Variants in AOAH observed in about 807,000 individuals in gnomAD.
AOAH encodes the protein acyloxyacyl hydrolase (neutrophil).
Under a neutral mutation model 92.2 loss-of-function variants are expected in AOAH, and 64 were observed. The observed-to-expected ratio is 0.69, with a 90% CI of 0.57 to 0.86. AOAH has a LOEUF of 0.86. Among genes scored for constraint, AOAH ranks in the 40% least tolerant of loss-of-function variants. AOAH has a pLI of 0.00. For missense variants in AOAH, 656 were observed against 694.6 expected, an observed-to-expected ratio of 0.94 and a Z score of 0.62; for synonymous variants, 263 against 254.5, an observed-to-expected ratio of 1.03 and a Z score of -0.32.
At chr7:36,722,023 T>C (rs1799659498) in intron 1 of AOAH, among the ~76,000 whole-genome samples, 1 of 152,106 alleles carries the variant, frequency 6.6e-6, no homozygotes, top group African/African-American at 2.4e-5. Flanking sequence ...GAGCCAACCC[T>C]CTAGCCATTC....
intron 11 of AOAH, among the ~76,000 whole-genome samples, chr7:36,610,159 C>CAAAAAAAAAAA (rs71553082): frequency 1.7e-3 from 82 of 49,216 alleles, no homozygotes; most frequent in African/African-American, 2.2e-3. Context: ...TCCATAATAG[C>CAAAAAAAAAAA]AAAAAAAAAA....
In AOAH at chr7:36,621,218, GCGAGGGCTAGCA is replaced by G. The variant is rs570956026; in HGVS notation, c.654-401_654-390del. Reference sequence around the variant, plus strand: ...CTTTGACACTATAGTCACAACAAAGGCGAGGGCTAGCATATCTGTTTTTTGATACCAGAGATG... The same window carrying G: ...CTTTGACACTATAGTCACAACAAAGGTATCTGTTTTTTGATACCAGAGATG... On this transcript the variant is annotated intron_variant, in intron 8 of 20. Transcript: ENST00000617537. Among the ~76,000 whole-genome samples, 6 of 152,260 alleles carry G rather than the reference GCGAGGGCTAGCA, an allele frequency of 3.9e-5. No homozygotes were observed. The East Asian group carries it at 1.2e-3, about 29-fold the overall frequency.
At chr7:36,632,462 C>CATCT (rs1793190097) in intron 5 of AOAH, among the ~76,000 whole-genome samples, 1 of 152,118 alleles carries the variant, frequency 6.6e-6, no homozygotes, top group Non-Finnish European at 1.5e-5. Context: ...AAAATAATTC[C>CATCT]ATCTCATTAT....
chr7:36,570,890 A>T (rs931160435), intron 13 of AOAH, among the ~76,000 whole-genome samples: 5 of 152,166 alleles, frequency 3.3e-5, no homozygotes, highest in African/African-American at 1.2e-4. Flanking sequence ...AGTGTTTTAG[A>T]TGTACAAGTC....
intron 11 of AOAH, among the ~76,000 whole-genome samples, chr7:36,602,649 C>T (rs1790698278): frequency 6.6e-6 from 1 of 151,952 alleles, no homozygotes; most frequent in East Asian, 1.9e-4. Flanking sequence ...GGTACACGTC[C>T]TCAAAGCTGA....
rs987498987 is a variant in AOAH at position 36,671,620 on chromosome 7, C to T, written c.290+2323G>A. ...ATGCGTGTGTGTGTATGTGTGTGTG[C>T]GTGTGTGCATCTGTGTGTGTGCACG... On this transcript the variant is annotated intron_variant, in intron 3 of 20. Coordinates refer to ENST00000617537, the MANE Select transcript of AOAH (RefSeq NM_001637.4). Among the ~76,000 whole-genome samples, 14 of 150,396 alleles carry T rather than the reference C, an allele frequency of 9.3e-5. No homozygotes were observed. In the East Asian group the frequency reaches 9.8e-4, roughly 11 times the overall value.
At chr7:36,654,317 T>A (rs1210290726) in intron 4 of AOAH, among the ~76,000 whole-genome samples, 2 of 152,210 alleles carry the variant, frequency 1.3e-5, no homozygotes, top group Non-Finnish European at 2.9e-5. Context: ...TCCTCTCTCC[T>A]TTTTCTTCTT....
At chr7:36,577,730 G>A (rs1788624311) in intron 12 of AOAH, among the ~76,000 whole-genome samples, 1 of 152,102 alleles carries the variant, frequency 6.6e-6, no homozygotes, top group Non-Finnish European at 1.5e-5. Context: ...TAAATGTTAT[G>A]TTCTCTAAAC....
chr7:36,707,678 C>T (rs1411800114), intron 1 of AOAH, among the ~76,000 whole-genome samples: 1 of 152,090 alleles, frequency 6.6e-6, no homozygotes, highest in African/African-American at 2.4e-5. Context: ...TTACTGTTTT[C>T]CAGTAAGTGA....
chr7:36,587,966 A>G (rs1194873670), intron 12 of AOAH, among the ~76,000 whole-genome samples: 2 of 152,200 alleles, frequency 1.3e-5, no homozygotes, highest in Non-Finnish European at 2.9e-5. Context: ...AAGTTAACTC[A>G]GCTCTCATCT....
intron 20 of AOAH, among the ~76,000 whole-genome samples, chr7:36,517,932 CA>C (rs1783894065): frequency 6.1e-4 from 1 of 1,634 alleles, no homozygotes; most frequent in South Asian, 0.028. Flanking sequence ...CACACACACC[CA>C]CACACACACA....
chr7:36,670,537 T>G (rs951752977), intron 3 of AOAH, among the ~76,000 whole-genome samples: 2 of 152,162 alleles, frequency 1.3e-5, no homozygotes, highest in African/African-American at 4.8e-5. Context: ...TGCAGTGGCG[T>G]CATCTCAGCT....
intron 1 of AOAH, among the ~76,000 whole-genome samples, chr7:36,691,315 G>A (rs1175362875): frequency 1.3e-5 from 2 of 152,078 alleles, no homozygotes; most frequent in African/African-American, 2.4e-5. Flanking sequence ...CACAATATTT[G>A]GTGAAAAGAA....
At position 36,631,988 on chromosome 7, in the gene AOAH, G is replaced by C. The variant is rs748535197; in HGVS notation, c.521+48C>G. The C allele has an allele frequency of 2.1e-6, 3 of 1,435,766 alleles. No individual in the cohort carries two copies. The South Asian group carries it at 3.7e-5, about 18-fold the overall frequency. The allele number at this position is 1,435,766 out of a possible 1,614,324, so 88.9% of individuals were successfully genotyped here. A position where few individuals can be genotyped will look rare whatever the true frequency, so the allele number is the denominator to read the frequency against. On this transcript the variant is annotated intron_variant, in intron 6 of 20. Transcript: ENST00000617537. ...TCATTAGAAAAGGGGGACAAGCAAAGACGTTATTACATGCTAGTGCTCAGG... is the reference window on the plus strand; with the variant it reads ...TCATTAGAAAAGGGGGACAAGCAAACACGTTATTACATGCTAGTGCTCAGG...
chr7:36,588,292 T>C (rs568774695), intron 12 of AOAH, among the ~76,000 whole-genome samples: 2 of 152,326 alleles, frequency 1.3e-5, no homozygotes, highest in South Asian at 4.1e-4. Flanking sequence ...GGCTACATAG[T>C]GGAAAGCCTT....
At chr7:36,608,910 A>AGG (rs1198057785) in intron 11 of AOAH, among the ~76,000 whole-genome samples, 12 of 17,262 alleles carry the variant, frequency 7.0e-4, no homozygotes, top group African/African-American at 1.5e-3. Context: ...TGCGGCGGGG[A>AGG]GGGGGGGGGG....
chr7:36,677,610 TTATA>T (rs765750682), intron 2 of AOAH, among the ~76,000 whole-genome samples: 5 of 151,620 alleles, frequency 3.3e-5, no homozygotes, highest in Non-Finnish European at 7.4e-5. Context: ...GTGATCCAGT[TTATA>T]TATATATATA....
At chr7:36,521,490 A>G (rs1784105369) in intron 20 of AOAH, among the ~76,000 whole-genome samples, 1 of 152,290 alleles carries the variant, frequency 6.6e-6, no homozygotes, top group Admixed American at 6.5e-5. Context: ...CTTTGTGAAG[A>G]GACCAGAGGA....
chr7:36,648,152 C>G (rs73107151), intron 4 of AOAH, among the ~76,000 whole-genome samples: 1 of 151,848 alleles, frequency 6.6e-6, no homozygotes, highest in Admixed American at 6.6e-5. Context: ...GGATTACGCC[C>G]GGCCCTCTTA....
Sources: gnomAD v4.1 joint callset for allele counts (sites outside exome capture counted in the v4.1 genomes callset) on GRCh38, gnomAD v4.1.1 for gene constraint, MANE v1.5 for transcripts, NCBI Gene and HGNC (gene_info 2026-07-23, HGNC 2026-07-21) for gene names.